RBFOX1: variants seen among roughly 807,000 people sequenced by gnomAD.
RBFOX1 encodes the protein RNA binding protein fox-1 homolog 1.
RBFOX1 carries 8 observed loss-of-function variants against 57.7 expected under a neutral mutation model. The ratio of observed to expected loss-of-function variants is 0.14; its 90% CI spans 0.08 to 0.25. RBFOX1 has a LOEUF of 0.25. Among genes scored for constraint, RBFOX1 ranks in the 10% least tolerant of loss-of-function variants. The probability of loss-of-function intolerance (pLI) is 1.00; values close to 1 mark genes in which losing one functional copy is unlikely to be tolerated. For missense variants in RBFOX1, 611 were observed against 548.5 expected (o/e 1.11, Z -1.14); for synonymous variants, 326 against 222.4 (o/e 1.47, Z -4.15).
chr16:6,991,152 A>C (rs1436501551), intron 3 of RBFOX1, among the ~76,000 whole-genome samples: 4 of 150,350 alleles, frequency 2.7e-5, no homozygotes, highest in African/African-American at 9.8e-5. Flanking sequence ...AAAAAAAAAA[A>C]AAAAAAAAAA....
At chr16:5,910,011 C>A (rs529444033) in intron 4 of RBFOX1, among the ~76,000 whole-genome samples, 65 of 152,048 alleles carry the variant, frequency 4.3e-4, no homozygotes, top group African/African-American at 1.5e-3. Context: ...CAAGATTGTG[C>A]CACTATACTC....
At chr16:5,712,747 C>G (rs1366541049) in intron 3 of RBFOX1, among the ~76,000 whole-genome samples, 1 of 152,180 alleles carries the variant, frequency 6.6e-6, no homozygotes, top group Non-Finnish European at 1.5e-5. Context: ...TGCAAGGAAG[C>G]CAGTGGTTAG....
chr16:7,135,455 A>C (rs1424966947), intron 4 of RBFOX1, among the ~76,000 whole-genome samples: 1 of 152,242 alleles, frequency 6.6e-6, no homozygotes, highest in East Asian at 1.9e-4. Flanking sequence ...ATTGTTACCA[A>C]GCTACAGCAA....
intron 2 of RBFOX1, among the ~76,000 whole-genome samples, chr16:6,636,663 C>T (rs763937533): frequency 9.3e-5 from 14 of 149,792 alleles, no homozygotes; most frequent in Admixed American, 2.7e-4. Context: ...ATGCCTCAAC[C>T]GAGCTACATC....
At chr16:6,925,859 A>C (rs888312546) in intron 3 of RBFOX1, among the ~76,000 whole-genome samples, 1 of 152,216 alleles carries the variant, frequency 6.6e-6, no homozygotes, top group Non-Finnish European at 1.5e-5. Flanking sequence ...GATTTAAAAA[A>C]AAAATCTGTA....
At chr16:6,586,723 C>G (rs1368882172) in intron 2 of RBFOX1, among the ~76,000 whole-genome samples, 1 of 152,122 alleles carries the variant, frequency 6.6e-6, no homozygotes, top group East Asian at 1.9e-4. Flanking sequence ...AGCCTGACGG[C>G]AAAGAGAACC....
intron 2 of RBFOX1, among the ~76,000 whole-genome samples, chr16:6,566,655 A>T (rs948472940): frequency 1.1e-4 from 17 of 151,690 alleles, no homozygotes; most frequent in African/African-American, 4.1e-4. Flanking sequence ...CTTTACGCAC[A>T]CTCCTCAAGT....
In RBFOX1 at chr16:6,824,257, T is replaced by TA. The variant is rs754389518; in HGVS notation, c.-16+169608dup. Among the ~76,000 whole-genome samples, 111 of 152,238 alleles carry TA rather than the reference T, an allele frequency of 7.3e-4. 1 individual carries two copies. Among genetic ancestry groups the TA allele is most frequent in the Admixed American group, 2.4e-3 (37 of 15,296 alleles). On this transcript the variant is annotated intron_variant, in intron 3 of 15. Coordinates refer to ENST00000550418, the MANE Select transcript of RBFOX1 (RefSeq NM_018723.4). ...CCATCTCCACTAAAAATACAAAAAT[T>TA]AGCCAGATGTGGTGGTTGGTACCTG...
In RBFOX1 at chr16:6,175,505, G is replaced by A. The variant is rs112753105; in HGVS notation, c.-126-141490G>A. ...GACCACCCGGTTTTTCTGTAGGTCG[G>A]GGGGGTGGGGGCGAGAGGATGGGCT... On this transcript the variant is annotated intron_variant, in intron 1 of 15. Transcript: ENST00000550418. 3.3e-3 allele frequency among the ~76,000 whole-genome samples: 495 copies of A among 152,208 alleles called. 3 individuals are homozygous for A. The highest frequency in any genetic ancestry group is 0.011 in the African/African-American group (448 of 41,536).
At chr16:6,926,640 C>G (rs2075638779) in intron 3 of RBFOX1, among the ~76,000 whole-genome samples, 1 of 152,170 alleles carries the variant, frequency 6.6e-6, no homozygotes, top group South Asian at 2.1e-4. Context: ...GTGTAGAAGA[C>G]ACAGCTTTGC....
chr16:5,451,864 TCCCAGCTG>T lies in RBFOX1; in HGVS notation c.220-15347_220-15340del, dbSNP rs369352997. ...GGGTGGGCTTAGTCATGCCTACAACTCCCAGCTGCCCACGATGTGTTCTGATACCTACC... is the reference window on the plus strand; with the variant it reads ...GGGTGGGCTTAGTCATGCCTACAACTCCCACGATGTGTTCTGATACCTACC... On this transcript the variant is annotated intron_variant, in intron 1 of 2. Transcript: ENST00000585867. Among the ~76,000 whole-genome samples, 364 of 152,254 alleles carry T rather than the reference TCCCAGCTG, an allele frequency of 2.4e-3. 1 individual carries two copies. Among genetic ancestry groups the T allele is most frequent in the African/African-American group, 8.1e-3 (338 of 41,536 alleles).
intron 1 of RBFOX1, among the ~76,000 whole-genome samples, chr16:6,147,671 G>A (rs2096768815): frequency 6.6e-6 from 1 of 152,104 alleles, no homozygotes; most frequent in Admixed American, 6.5e-5. Flanking sequence ...GGAATGGAAG[G>A]GACATCAGAC....
chr16:7,564,631 T>A (rs1319953956), intron 5 of RBFOX1, among the ~76,000 whole-genome samples: 1 of 149,678 alleles, frequency 6.7e-6, no homozygotes, highest in Non-Finnish European at 1.5e-5. Context: ...GGCACTTTGA[T>A]CCTGCACTAC....
At chr16:7,025,036 C>A (rs556027444) in intron 3 of RBFOX1, among the ~76,000 whole-genome samples, 1 of 152,256 alleles carries the variant, frequency 6.6e-6, no homozygotes, top group South Asian at 2.1e-4. Flanking sequence ...AGAGCGTTCT[C>A]AGATCTCCCG....
intron 2 of RBFOX1, among the ~76,000 whole-genome samples, chr16:5,486,991 C>A (rs903738613): frequency 6.6e-6 from 1 of 152,118 alleles, no homozygotes; most frequent in African/African-American, 2.4e-5. Context: ...TACCCCCAGG[C>A]CTTTGCACAA....
At chr16:6,761,407 T>G (rs1411429592) in intron 3 of RBFOX1, among the ~76,000 whole-genome samples, 1 of 152,032 alleles carries the variant, frequency 6.6e-6, no homozygotes, top group South Asian at 2.1e-4. Context: ...TAGTTTTCAG[T>G]TTTTAAGCAT....
At chr16:5,993,671 T>A (rs1413130367) in intron 4 of RBFOX1, among the ~76,000 whole-genome samples, 1 of 152,176 alleles carries the variant, frequency 6.6e-6, no homozygotes, top group Non-Finnish European at 1.5e-5. Flanking sequence ...GATTACCCAT[T>A]TAGCTGCAGT....
intron 4 of RBFOX1, among the ~76,000 whole-genome samples, chr16:7,155,548 A>G (rs1447418987): frequency 6.6e-6 from 1 of 150,482 alleles, no homozygotes; most frequent in East Asian, 2.0e-4. Context: ...ATGACTGGAG[A>G]TTGCACCACT....
chr16:5,255,354 C>CTCCA (rs750177791), intron 1 of RBFOX1, among the ~76,000 whole-genome samples: 8,497 of 86,138 alleles, frequency 0.099, 717 homozygotes, highest in African/African-American at 0.26. Flanking sequence ...CCATCCATCC[C>CTCCA]TCCATCCATC....
Sources: allele counts gnomAD v4.1 joint callset (sites outside exome capture counted in the v4.1 genomes callset), GRCh38; gene constraint gnomAD v4.1.1; transcripts MANE v1.5; gene names NCBI Gene and HGNC (gene_info 2026-07-23, HGNC 2026-07-21).